The following PTPRG variants were observed in gnomAD, a reference collection of about 807,000 sequenced individuals.
PTPRG encodes protein tyrosine phosphatase receptor type G, also known as receptor-type tyrosine-protein phosphatase gamma.
A neutral mutation model predicts 165.3 loss-of-function variants in PTPRG; 102 were observed. The observed-to-expected ratio is 0.62, with a 90% CI of 0.53 to 0.73. The LOEUF (loss-of-function observed/expected upper bound fraction) is 0.73. Among genes scored for constraint, PTPRG ranks in the 30% least tolerant of loss-of-function variants. The probability of loss-of-function intolerance (pLI) is 0.00; values close to 1 mark genes in which losing one functional copy is unlikely to be tolerated. For missense variants in PTPRG, 1,866 were observed against 1,861.4 expected, an observed-to-expected ratio of 1.00 and a Z score of -0.05; for synonymous variants, 675 against 669.5, an observed-to-expected ratio of 1.01 and a Z score of -0.13.
intron 1 of PTPRG, among the ~76,000 whole-genome samples, chr3:61,638,862 T>C (rs1046727746): frequency 6.6e-6 from 1 of 152,142 alleles, no homozygotes; most frequent in East Asian, 1.9e-4. Flanking sequence ...ATTCTGAAGG[T>C]TGTCTGTTTA....
At chr3:62,174,101 T>A (rs979757292) in intron 8 of PTPRG, among the ~76,000 whole-genome samples, 2 of 152,236 alleles carry the variant, frequency 1.3e-5, no homozygotes, top group Non-Finnish European at 2.9e-5. Flanking sequence ...TAGGATTTAA[T>A]GGGCTGTCAT....
intron 26 of PTPRG, among the ~76,000 whole-genome samples, chr3:62,280,864 G>C (rs1702406751): frequency 6.6e-6 from 1 of 151,942 alleles, no homozygotes; most frequent in African/African-American, 2.4e-5. Flanking sequence ...GAGGAAATGG[G>C]AAGATGTAAA....
At chr3:61,789,041 A>G (rs1054652245) in intron 2 of PTPRG, among the ~76,000 whole-genome samples, 3 of 152,084 alleles carry the variant, frequency 2.0e-5, no homozygotes, top group Admixed American at 6.6e-5. Context: ...TAATTTAACA[A>G]TCATTACTGA....
At chr3:61,962,933 G>A (rs1303079522) in intron 2 of PTPRG, among the ~76,000 whole-genome samples, 1 of 152,140 alleles carries the variant, frequency 6.6e-6, no homozygotes, top group Non-Finnish European at 1.5e-5. Context: ...GATAATACAT[G>A]TACAGCATTT....
At chr3:62,172,642 G>A (rs1214299103) in intron 8 of PTPRG, among the ~76,000 whole-genome samples, 1 of 152,134 alleles carries the variant, frequency 6.6e-6, no homozygotes, top group East Asian at 1.9e-4. Flanking sequence ...TCATCAAACA[G>A]CCTGGAGGGC....
At chr3:61,807,252 G>A (rs2035445256) in intron 2 of PTPRG, among the ~76,000 whole-genome samples, 1 of 152,106 alleles carries the variant, frequency 6.6e-6, no homozygotes, top group African/African-American at 2.4e-5. Flanking sequence ...TGATAAGAAA[G>A]GATTACCACT....
intron 4 of PTPRG, among the ~76,000 whole-genome samples, chr3:62,063,739 G>A (rs957957036): frequency 1.3e-5 from 2 of 152,122 alleles, no homozygotes; most frequent in African/African-American, 2.4e-5. Context: ...CTGGCTTCGA[G>A]CAATCCTCCT....
chr3:62,037,106 T>G (rs992416209), intron 4 of PTPRG, among the ~76,000 whole-genome samples: 1 of 152,180 alleles, frequency 6.6e-6, no homozygotes. Flanking sequence ...ATCAGAGAAG[T>G]ACTCATTTTA....
intron 8 of PTPRG, among the ~76,000 whole-genome samples, chr3:62,173,214 G>T (rs1705285798): frequency 6.6e-6 from 1 of 151,932 alleles, no homozygotes; most frequent in Non-Finnish European, 1.5e-5. Context: ...ATTTTTGTTT[G>T]TACTGTTTTT....
intron 2 of PTPRG, among the ~76,000 whole-genome samples, chr3:61,846,129 A>T (rs948799952): frequency 3.3e-5 from 5 of 152,248 alleles, no homozygotes; most frequent in Non-Finnish European, 5.9e-5. Flanking sequence ...AGATCTGCCT[A>T]AAGCACTCAC....
intron 1 of PTPRG, among the ~76,000 whole-genome samples, chr3:61,722,016 C>T (rs902336469): frequency 2.0e-5 from 3 of 152,084 alleles, no homozygotes; most frequent in African/African-American, 4.8e-5. Flanking sequence ...TAGACCAATT[C>T]GGGCCCTTGA....
chr3:61,682,149 C>A (rs376594589), intron 1 of PTPRG, among the ~76,000 whole-genome samples: 1,197 of 96,716 alleles, frequency 0.012, no homozygotes, highest in East Asian at 0.014. Flanking sequence ...ACTCCTGTCT[C>A]AAAAAAAAAA....
intron 1 of PTPRG, among the ~76,000 whole-genome samples, chr3:61,648,216 G>A (rs549507995): frequency 6.6e-6 from 1 of 152,294 alleles, no homozygotes; most frequent in South Asian, 2.1e-4. Flanking sequence ...AACATATTAG[G>A]AGATTCGTTA....
chr3:61,737,859 C>T (rs2032777445), intron 1 of PTPRG, among the ~76,000 whole-genome samples: 1 of 151,336 alleles, frequency 6.6e-6, no homozygotes, highest in African/African-American at 2.4e-5. Flanking sequence ...TTATTAATCA[C>T]CTGCTTGCTC....
chr3:61,923,424 T>A (rs917503253), intron 2 of PTPRG, among the ~76,000 whole-genome samples: 2 of 152,128 alleles, frequency 1.3e-5, no homozygotes, highest in African/African-American at 4.8e-5. Flanking sequence ...ATTATTATTA[T>A]ACTTCAAGTT....
At chr3:62,015,507 A>C (rs1417351592) in intron 4 of PTPRG, among the ~76,000 whole-genome samples, 2 of 151,816 alleles carry the variant, frequency 1.3e-5, no homozygotes, top group African/African-American at 4.9e-5. Flanking sequence ...TATTTTAAAC[A>C]AAAAAAATTT....
intron 8 of PTPRG, among the ~76,000 whole-genome samples, chr3:62,179,817 G>A (rs1172236881): frequency 1.3e-5 from 2 of 152,196 alleles, no homozygotes; most frequent in Non-Finnish European, 2.9e-5. Context: ...ACCAGATAGG[G>A]CCATCCTTAC....
intron 6 of PTPRG, among the ~76,000 whole-genome samples, chr3:62,155,754 G>A (rs1704513897): frequency 6.6e-6 from 1 of 152,142 alleles, no homozygotes; most frequent in Admixed American, 6.5e-5. Context: ...TCGAGTCTGG[G>A]GATGCACAGT....
intron 2 of PTPRG, among the ~76,000 whole-genome samples, chr3:61,804,271 G>C (rs922535394): frequency 9.9e-5 from 15 of 152,178 alleles, no homozygotes; most frequent in African/African-American, 3.4e-4. Context: ...TGACTGCCCA[G>C]AACTACCTTT....
Sources: allele counts gnomAD v4.1 joint callset (sites outside exome capture counted in the v4.1 genomes callset), GRCh38; gene constraint gnomAD v4.1.1; transcripts MANE v1.5; gene names NCBI Gene and HGNC (gene_info 2026-07-23, HGNC 2026-07-21).